SLC30A9: variants seen among roughly 807,000 people sequenced by gnomAD.
The protein encoded by SLC30A9 is proton-coupled zinc antiporter SLC30A9, mitochondrial.
SLC30A9 carries 58 observed loss-of-function variants against 87.5 expected under a neutral mutation model. The observed-to-expected ratio is 0.66, with a 90% CI of 0.54 to 0.82. The LOEUF is 0.82. Ranked by LOEUF, SLC30A9 falls within the 40% of genes least tolerant of loss-of-function variation. The pLI is 0.00. For missense variants in SLC30A9, 557 were observed against 679.1 expected (o/e 0.82, Z 2.00); for synonymous variants, 234 against 233.0 (o/e 1.00, Z -0.04).
At chr4:42,078,431 C>A in intron 17 of SLC30A9, 106 bp downstream of exon 17, 2 of 630,374 alleles carry the variant, frequency 3.2e-6, no homozygotes, top group Non-Finnish European at 5.7e-6. Flanking sequence ...TGCTTTAACC[C>A]ACTCATAACT....
chr4:41,996,654 A>G (rs1385344251), intron 1 of SLC30A9, among the ~76,000 whole-genome samples: 1 of 152,084 alleles, frequency 6.6e-6, no homozygotes, highest in Non-Finnish European at 1.5e-5. Flanking sequence ...GAGATGGGAA[A>G]ACCACCTGAG....
intron 15 of SLC30A9, among the ~76,000 whole-genome samples, chr4:42,071,675 C>CAAA (rs56891419): frequency 8.0e-6 from 1 of 125,432 alleles, no homozygotes. Context: ...AACCCTGTCT[C>CAAA]AAAAAAAAAA....
intron 2 of SLC30A9, among the ~76,000 whole-genome samples, chr4:42,003,381 T>C (rs1025121894): frequency 3.3e-5 from 5 of 152,188 alleles, no homozygotes; most frequent in African/African-American, 1.2e-4. Context: ...AATTCATTAT[T>C]ACCAAGGGAG....
At chr4:42,064,604 T>C (rs1239770968) in intron 11 of SLC30A9, among the ~76,000 whole-genome samples, 2 of 152,222 alleles carry the variant, frequency 1.3e-5, no homozygotes, top group African/African-American at 4.8e-5. Flanking sequence ...CTAGCGTTCT[T>C]CTAATTTGTA....
intron 2 of SLC30A9, among the ~76,000 whole-genome samples, chr4:42,013,831 TG>T (rs1361732982): frequency 2.0e-5 from 3 of 152,212 alleles, no homozygotes; most frequent in African/African-American, 7.2e-5. Flanking sequence ...GATATTGGAC[TG>T]GGCAGATTTC....
At chr4:42,057,822 G>C (rs1717680554) in intron 9 of SLC30A9, among the ~76,000 whole-genome samples, 1 of 152,068 alleles carries the variant, frequency 6.6e-6, no homozygotes, top group Non-Finnish European at 1.5e-5. Flanking sequence ...TGAATGCCGG[G>C]GCTGGGCACA....
chr4:42,079,034 C>T (rs990904323), intron 17 of SLC30A9, among the ~76,000 whole-genome samples: 12 of 151,916 alleles, frequency 7.9e-5, no homozygotes, highest in Admixed American at 5.9e-4. Flanking sequence ...TCTGGATATC[C>T]GATTAGATTA....
Position 42,075,600 on chromosome 4 carries a change from G to GTA in SLC30A9, c.1419-49_1419-48dup, listed in dbSNP as rs375952197. 3.4e-4 allele frequency: 499 copies of GTA among 1,449,436 alleles called. 1 individual carries two copies. The highest frequency in any genetic ancestry group is 3.3e-3 in the African/African-American group (230 of 70,330). The allele number at this position is 1,449,436 out of a possible 1,614,324, so 89.8% of individuals were successfully genotyped here. A position where few individuals can be genotyped will look rare whatever the true frequency, so the allele number is the denominator to read the frequency against. The stretch of plus-strand genomic sequence containing the variant: ...TAATTCAAGCCTTTGTGCTATTAAA[G>GTA]TATATATATGTGTATGTATGTATAA... On this transcript the variant is annotated intron_variant, in intron 15 of 17. Coordinates refer to ENST00000264451, the MANE Select transcript of SLC30A9 (RefSeq NM_006345.4).
chr4:42,083,493 T>A (rs1718812575), intron 17 of SLC30A9, among the ~76,000 whole-genome samples: 1 of 152,202 alleles, frequency 6.6e-6, no homozygotes, highest in African/African-American at 2.4e-5. Flanking sequence ...TTAATCATAT[T>A]TATTCATTCA....
intron 8 of SLC30A9, among the ~76,000 whole-genome samples, chr4:42,039,384 GA>G (rs1716821242): frequency 6.6e-6 from 1 of 151,936 alleles, no homozygotes; most frequent in Non-Finnish European, 1.5e-5. Context: ...TACAGCTACT[GA>G]AGAATATCTT....
chr4:41,990,889 C>T (rs906638421), intron 1 of SLC30A9, 129 bp downstream of exon 1: 4 of 687,820 alleles, frequency 5.8e-6, no homozygotes, highest in Non-Finnish European at 1.0e-5. Context: ...TTTCTGGCCT[C>T]CGCCTTTCCA....
chr4:42,042,967 A>G (rs1255505922), intron 8 of SLC30A9, among the ~76,000 whole-genome samples: 1 of 152,240 alleles, frequency 6.6e-6, no homozygotes, highest in Non-Finnish European at 1.5e-5. Flanking sequence ...AAACTCCAGC[A>G]GACCTGCAGC....
chr4:42,049,869 G>A (rs1442759456), intron 9 of SLC30A9, among the ~76,000 whole-genome samples: 1 of 152,060 alleles, frequency 6.6e-6, no homozygotes, highest in African/African-American at 2.4e-5. Context: ...CTTTGCAAAT[G>A]GAGAAAAATT....
intron 2 of SLC30A9, among the ~76,000 whole-genome samples, chr4:42,009,979 G>C (rs1715373193): frequency 6.6e-6 from 1 of 152,222 alleles, no homozygotes; most frequent in South Asian, 2.1e-4. Flanking sequence ...TATAGATAAA[G>C]ATACTTTAGA....
At chr4:42,075,610 G>A (rs1718518932) in intron 15 of SLC30A9, 47 bp from the exon 16 acceptor site, 2 of 1,501,654 alleles carry the variant, frequency 1.3e-6, no homozygotes, top group East Asian at 2.3e-5. Flanking sequence ...GTATATATAT[G>A]TGTATGTATG....
chr4:42,011,288 C>G (rs975424293), intron 2 of SLC30A9, among the ~76,000 whole-genome samples: 3 of 152,158 alleles, frequency 2.0e-5, no homozygotes, highest in African/African-American at 7.2e-5. Flanking sequence ...GAGATTCACT[C>G]ACTATCATGA....
intron 8 of SLC30A9, among the ~76,000 whole-genome samples, chr4:42,043,554 A>G (rs1229885960): frequency 6.6e-6 from 1 of 152,224 alleles, no homozygotes; most frequent in Non-Finnish European, 1.5e-5. Flanking sequence ...AGCCTGCAAG[A>G]AAGATGGGAC....
chr4:42,015,121 T>G (rs925649301), intron 2 of SLC30A9, among the ~76,000 whole-genome samples: 5 of 152,210 alleles, frequency 3.3e-5, no homozygotes, highest in African/African-American at 1.2e-4. Flanking sequence ...TACCCTGATA[T>G]GATTATTACA....
In SLC30A9 at chr4:42,018,124, C is replaced by T. The variant is rs762600163; in HGVS notation, c.288C>T (p.Gly96=). ...TAAACTTTACAGCAGAAGGTATAGGCACAGAACTCAAAGCTCCACTTAAGC... is the reference window on the plus strand; with the variant it reads ...TAAACTTTACAGCAGAAGGTATAGGTACAGAACTCAAAGCTCCACTTAAGC... ...VPSFETAEGI[G]TELKAPLKQE... Residue 96 remains glycine, a synonymous_variant, in exon 3 of 18, where the codon GGC becomes GGT. Transcript: ENST00000264451. 3.7e-5 allele frequency: 57 copies of T among 1,553,810 alleles called. No individual in the cohort carries two copies. Among genetic ancestry groups the T allele is most frequent in the Admixed American group, 1.7e-4 (10 of 59,000 alleles).
Sources: allele counts gnomAD v4.1 joint callset (sites outside exome capture counted in the v4.1 genomes callset), GRCh38; gene constraint gnomAD v4.1.1; transcripts MANE v1.5; gene names NCBI Gene and HGNC (gene_info 2026-07-23, HGNC 2026-07-21).